The following NOL4 variants were observed in gnomAD, a reference collection of about 807,000 sequenced individuals.
NOL4 encodes nucleolar protein 4.
Under a neutral mutation model 75.9 loss-of-function variants are expected in NOL4, and 17 were observed. That is an observed-to-expected ratio of 0.22 (90% CI 0.15 to 0.34). The LOEUF is 0.34. NOL4 is among the 10% of genes least tolerant of loss of function. The pLI is 1.00. For missense variants in NOL4, 614 were observed against 793.5 expected, an observed-to-expected ratio of 0.77 and a Z score of 2.72; for synonymous variants, 292 against 289.9, an observed-to-expected ratio of 1.01 and a Z score of -0.07.
intron 2 of NOL4, among the ~76,000 whole-genome samples, chr18:34,118,492 G>T (rs1045873886): frequency 6.6e-6 from 1 of 152,134 alleles, no homozygotes; most frequent in African/African-American, 2.4e-5. Flanking sequence ...GTTATTAAAA[G>T]CCTGTGTGTC....
intron 9 of NOL4, among the ~76,000 whole-genome samples, chr18:33,911,054 G>C (rs1323364541): frequency 6.6e-6 from 1 of 152,010 alleles, no homozygotes; most frequent in Non-Finnish European, 1.5e-5. Flanking sequence ...GAATTTTACA[G>C]GCTTTGCACC....
chr18:33,892,953 G>T (rs1318037037), intron 9 of NOL4, among the ~76,000 whole-genome samples: 3 of 151,966 alleles, frequency 2.0e-5, no homozygotes, highest in Non-Finnish European at 4.4e-5. Flanking sequence ...ATGAGCCACT[G>T]CACCCATCCA....
At chr18:34,137,806 A>ACACACACACACACG (rs1452666829) in intron 1 of NOL4, among the ~76,000 whole-genome samples, 52 of 151,930 alleles carry the variant, frequency 3.4e-4, no homozygotes, top group African/African-American at 1.1e-3. Context: ...ACACACACAC[A>ACACACACACACACG]CACGCACGCA....
At chr18:34,218,106 AAAAAAAC>A (rs779643142) in intron 1 of NOL4, among the ~76,000 whole-genome samples, 96 of 152,010 alleles carry the variant, frequency 6.3e-4, no homozygotes, top group African/African-American at 1.1e-3. Context: ...GACCAAAAAA[AAAAAAAC>A]AAAAAACAAA....
At chr18:34,114,087 CTAA>C in intron 2 of NOL4, among the ~76,000 whole-genome samples, 1 of 152,246 alleles carries the variant, frequency 6.6e-6, no homozygotes, top group Non-Finnish European at 1.5e-5. Flanking sequence ...TACTATTCTA[CTAA>C]TATTACAATT....
At chr18:33,932,237 A>T (rs1324246225) in intron 9 of NOL4, among the ~76,000 whole-genome samples, 4 of 152,014 alleles carry the variant, frequency 2.6e-5, no homozygotes, top group Admixed American at 2.0e-4. Flanking sequence ...TTTTAATTGC[A>T]GCCATATATA....
At chr18:34,013,598 G>C (rs991768073) in intron 6 of NOL4, among the ~76,000 whole-genome samples, 5 of 151,856 alleles carry the variant, frequency 3.3e-5, no homozygotes, top group Non-Finnish European at 5.9e-5. Context: ...TCAGTGCTCT[G>C]TTCATCAATG....
At chr18:34,082,659 A>T (rs1369836265) in intron 5 of NOL4, among the ~76,000 whole-genome samples, 1 of 152,174 alleles carries the variant, frequency 6.6e-6, no homozygotes, top group African/African-American at 2.4e-5. Context: ...GTCCTCACAG[A>T]GACCACTTTA....
intron 9 of NOL4, among the ~76,000 whole-genome samples, chr18:33,887,931 C>T (rs1321361612): frequency 6.6e-6 from 1 of 151,978 alleles, no homozygotes; most frequent in Non-Finnish European, 1.5e-5. Context: ...TTGGGTATAT[C>T]CCCAGTAATG....
chr18:33,937,551 A>G (rs570754364), intron 9 of NOL4, among the ~76,000 whole-genome samples: 12 of 152,198 alleles, frequency 7.9e-5, no homozygotes, highest in African/African-American at 2.4e-4. Flanking sequence ...TCACTGGAAA[A>G]TTCTAAAAAT....
At chr18:34,150,090 TATATA>T (rs141069453) in intron 1 of NOL4, among the ~76,000 whole-genome samples, 7 of 151,822 alleles carry the variant, frequency 4.6e-5, no homozygotes, top group East Asian at 3.9e-4. Flanking sequence ...TGATGATAAT[TATATA>T]ATATATCTGT....
At chr18:34,076,447 C>G (rs1259585496) in intron 5 of NOL4, among the ~76,000 whole-genome samples, 1 of 152,130 alleles carries the variant, frequency 6.6e-6, no homozygotes, top group Non-Finnish European at 1.5e-5. Flanking sequence ...AACAATGTGA[C>G]AAAAAATACT....
chr18:34,213,250 G>A (rs1353364116), intron 1 of NOL4, among the ~76,000 whole-genome samples: 1 of 152,108 alleles, frequency 6.6e-6, no homozygotes, highest in Non-Finnish European at 1.5e-5. Flanking sequence ...CCTTCAAGAG[G>A]TGATTAGGTC....
intron 2 of NOL4, among the ~76,000 whole-genome samples, chr18:34,118,196 T>C (rs2079952556): frequency 6.6e-6 from 1 of 152,212 alleles, no homozygotes; most frequent in Admixed American, 6.5e-5. Context: ...TTAACTAGAA[T>C]AATTATATGG....
rs369641151 is a variant in NOL4, at chr18:34,172,107, T to C, written c.265-42087A>G. ...AGCTATGAAGAACAGAAGTCCTGGT[T>C]TTATGATATTTAATAAGGTATTCTA... On this transcript the variant is annotated intron_variant, in intron 1 of 10. Transcript: ENST00000261592. 3.3e-5 allele frequency among the ~76,000 whole-genome samples: 5 copies of C among 152,258 alleles called. No homozygotes were observed. In the East Asian group the frequency reaches 9.6e-4, roughly 29 times the overall value.
intron 5 of NOL4, among the ~76,000 whole-genome samples, chr18:34,064,210 G>A (rs1600453447): frequency 6.6e-6 from 1 of 151,986 alleles, no homozygotes; most frequent in Non-Finnish European, 1.5e-5. Flanking sequence ...GTGAAGCAGG[G>A]ACCACAGGAC....
intron 1 of NOL4, among the ~76,000 whole-genome samples, chr18:34,168,898 T>C (rs892307914): frequency 3.3e-5 from 5 of 151,724 alleles, no homozygotes; most frequent in Non-Finnish European, 7.4e-5. Context: ...AAGATAGATA[T>C]GACAAGAATA....
At chr18:34,084,759 A>G (rs955859324) in intron 5 of NOL4, among the ~76,000 whole-genome samples, 2 of 152,154 alleles carry the variant, frequency 1.3e-5, no homozygotes, top group Non-Finnish European at 2.9e-5. Context: ...CCCACAATCT[A>G]ACTAGGATCT....
intron 5 of NOL4, among the ~76,000 whole-genome samples, chr18:34,072,525 G>A (rs528514567): frequency 1.3e-5 from 2 of 152,112 alleles, no homozygotes; most frequent in South Asian, 4.2e-4. Context: ...TGTCTTTATG[G>A]CAAATTAATA....
Sources: allele counts gnomAD v4.1 joint callset (sites outside exome capture counted in the v4.1 genomes callset), GRCh38; gene constraint gnomAD v4.1.1; transcripts MANE v1.5; gene names NCBI Gene and HGNC (gene_info 2026-07-23, HGNC 2026-07-21).